The following ANAPC7 variants were observed in gnomAD, a reference collection of about 807,000 sequenced individuals.
The protein encoded by ANAPC7 is anaphase-promoting complex subunit 7.
A neutral mutation model predicts 63.3 loss-of-function variants in ANAPC7; 25 were observed. The ratio of observed to expected loss-of-function variants is 0.39; its 90% confidence interval spans 0.29 to 0.55. The LOEUF (loss-of-function observed/expected upper bound fraction) is 0.55, where lower values mean the gene tolerates loss of function less well. Among genes scored for constraint, ANAPC7 ranks in the 20% least tolerant of loss-of-function variants. ANAPC7 has a pLI of 0.57. For synonymous variants in ANAPC7, 241 were observed against 251.7 expected, an observed-to-expected ratio of 0.96 and a Z score of 0.40; for missense variants, 516 against 691.7, an observed-to-expected ratio of 0.75 and a Z score of 2.85.
chr12:110,384,347 T>C (rs1489039421), intron 6 of ANAPC7, among the ~76,000 whole-genome samples: 1 of 151,962 alleles, frequency 6.6e-6, no homozygotes, highest in African/African-American at 2.4e-5. Context: ...CAGTGAGCTA[T>C]GTTTGTGCCA....
chr12:110,374,930 A>C (rs141870646), intron 10 of ANAPC7, among the ~76,000 whole-genome samples: 1,523 of 151,854 alleles, frequency 0.01, 32 homozygotes, highest in Middle Eastern at 0.041. Context: ...CCCACCCCCA[A>C]AGTTCAGAGC....
chr12:110,386,441 C>T lies in ANAPC7; in HGVS notation c.703G>A (p.Asp235Asn). 6.2e-7 allele frequency: 1 copy of T among 1,613,072 alleles called. No homozygotes were observed. The highest frequency in any genetic ancestry group is 1.1e-5 in the South Asian group (1 of 90,790). The change falls in exon 6 of 11, where the codon GAT (aspartate) becomes AAT (asparagine). Residue 235 changes from aspartate (D) to asparagine (N), a missense_variant. By Grantham distance (23) the Asp-to-Asn change is conservative (BLOSUM62 1). Transcript: ENST00000455511. ...AAGCTTCCCAATAGGTCCACGTTATCTCGCAATAAGGATTTTTTCTCTAGT... is the reference window on the plus strand; with the variant it reads ...AAGCTTCCCAATAGGTCCACGTTATTTCGCAATAAGGATTTTTTCTCTAGT... ...CSLEKKSLLR[D>N]NVDLLGSLAD...
At position 110,373,727 on chromosome 12, in the gene ANAPC7, G is replaced by C. The variant is rs1201316966; in HGVS notation, c.*417C>G. On this transcript the variant is annotated 3_prime_UTR_variant, in exon 11 of 11. Transcript: ENST00000455511. ...TTCTGGGAACAGGAAGCTCCCTAGGGCCAGATCGTGCTGCCATCCAACTTG... is the reference window on the plus strand; with the variant it reads ...TTCTGGGAACAGGAAGCTCCCTAGGCCCAGATCGTGCTGCCATCCAACTTG... 1 of 162,246 alleles carries C rather than the reference G, an allele frequency of 6.2e-6. No homozygotes were observed. The highest frequency in any genetic ancestry group is 1.3e-5 in the Non-Finnish European group (1 of 75,252). 10.1% of individuals were successfully genotyped at this position (162,246 alleles called of 1,614,324 possible). A position where few individuals can be genotyped will look rare whatever the true frequency, so the allele number is the denominator to read the frequency against.
intron 3 of ANAPC7, among the ~76,000 whole-genome samples, chr12:110,389,488 C>T (rs1415123889): frequency 6.6e-6 from 1 of 152,202 alleles, no homozygotes; most frequent in Admixed American, 6.5e-5. Flanking sequence ...CCCGTAGGTA[C>T]TAACTCACTA....
At chr12:110,374,843 G>C (rs185937582) in intron 10 of ANAPC7, among the ~76,000 whole-genome samples, 2 of 152,122 alleles carry the variant, frequency 1.3e-5, no homozygotes, top group Non-Finnish European at 2.9e-5. Flanking sequence ...TAAACACCTA[G>C]GTCAGACCCC....
chr12:110,387,827 C>A lies in ANAPC7; in HGVS notation c.586G>T (p.Val196Leu), dbSNP rs759512682. The A allele has an allele frequency of 4.3e-6, 7 of 1,614,026 alleles. No individual in the cohort carries two copies. The East Asian group carries it at 6.7e-5, about 15-fold the overall frequency. Residue 196 changes from valine to leucine, a missense_variant, in exon 5 of 11, where the codon GTG becomes TTG. Coordinates refer to ENST00000455511, the MANE Select transcript of ANAPC7 (RefSeq NM_016238.3). ...ACAGAGAGCCAGTCCAAGTTAGGCA[C>A]GGTTTGGATCACATTCATTGTCATG... ...ASMTMNVIQTVPNLDWLSVWI... is the reference protein window; with the variant it reads ...ASMTMNVIQTLPNLDWLSVWI...
chr12:110,376,986 A>G (rs767924239), intron 9 of ANAPC7, among the ~76,000 whole-genome samples: 4 of 151,658 alleles, frequency 2.6e-5, no homozygotes, highest in African/African-American at 4.8e-5. Context: ...AAAATAAAAA[A>G]ATTAGCTGGG....
At chr12:110,402,535 T>C (rs949957111) in intron 1 of ANAPC7, among the ~76,000 whole-genome samples, 12 of 151,588 alleles carry the variant, frequency 7.9e-5, no homozygotes, top group Non-Finnish European at 1.8e-4. Context: ...GGGGTTACAC[T>C]GTGTTAGCCA....
At chr12:110,391,714 C>T (rs1048404541) in intron 3 of ANAPC7, among the ~76,000 whole-genome samples, 9 of 152,130 alleles carry the variant, frequency 5.9e-5, no homozygotes, top group African/African-American at 2.2e-4. Flanking sequence ...AAAAAAAAGT[C>T]CTACAAATAT....
In ANAPC7 at chr12:110,400,138, C is replaced by G. The variant is rs138932824; in HGVS notation, c.101+3389G>C. On this transcript the variant is annotated intron_variant, in intron 1 of 10. Transcript: ENST00000455511. ...AACAAAAAGAGTATAGTCTAGATGA[C>G]TTAAGTTCTCTTCAAACTCTGTGAT... Among the ~76,000 whole-genome samples the G allele has an allele frequency of 2.0e-3, 310 of 152,204 alleles. 1 individual carries two copies. The highest frequency in any genetic ancestry group is 7.2e-3 in the African/African-American group (297 of 41,538).
At chr12:110,398,479 AT>A (rs1349568160) in intron 1 of ANAPC7, among the ~76,000 whole-genome samples, 1 of 152,066 alleles carries the variant, frequency 6.6e-6, no homozygotes. Flanking sequence ...AGTCTCAGGG[AT>A]TTCAGGACAG....
intron 3 of ANAPC7, among the ~76,000 whole-genome samples, chr12:110,390,364 G>A (rs1285457834): frequency 1.3e-5 from 2 of 152,084 alleles, no homozygotes; most frequent in Non-Finnish European, 2.9e-5. Flanking sequence ...GTGAGCCACC[G>A]TGTCTGGCAA....
At chr12:110,394,044 C>T (rs755468041) in intron 3 of ANAPC7, among the ~76,000 whole-genome samples, 14 of 150,088 alleles carry the variant, frequency 9.3e-5, no homozygotes, top group South Asian at 2.1e-4. Flanking sequence ...GGCGTGGTGG[C>T]GGGTGCCTGT....
Position 110,377,492 on chromosome 12 carries a change from C to T in ANAPC7, c.1258G>A (p.Asp420Asn). The T allele has an allele frequency of 6.2e-7, 1 of 1,614,184 alleles. No homozygotes were observed. The highest frequency in any genetic ancestry group is 1.1e-5 in the South Asian group (1 of 91,074). The change falls in exon 9 of 11, where the codon GAC becomes AAC. Residue 420 changes from aspartate (D) to asparagine (N), a missense_variant. Physicochemically the swap from Asp to Asn is conservative, Grantham distance 23. Transcript: ENST00000455511. ...LTLLATVCLE[D>N]PVTQEKAKTL... ...TTGGCTTTCTCCTGTGTCACTGGGT[C>T]TTCAAGACAAACGGTGGCTAAAAGG... is the stretch of plus-strand genomic sequence containing the variant.
intron 1 of ANAPC7, among the ~76,000 whole-genome samples, chr12:110,400,783 C>G (rs2062216865): frequency 6.6e-6 from 1 of 151,630 alleles, no homozygotes; most frequent in Non-Finnish European, 1.5e-5. Context: ...CGGTGGCTCA[C>G]GCCTGCAATC....
intron 5 of ANAPC7, 96 bp downstream of exon 5, chr12:110,387,643 A>C: frequency 7.0e-7 from 1 of 1,432,176 alleles, no homozygotes. Context: ...CACCAACAGC[A>C]AAGCATCTCA....
At chr12:110,396,808 C>T (rs1454233226) in intron 1 of ANAPC7, among the ~76,000 whole-genome samples, 2 of 151,826 alleles carry the variant, frequency 1.3e-5, no homozygotes, top group East Asian at 3.9e-4. Flanking sequence ...AGCCATCATG[C>T]CTGGCCACCA....
chr12:110,385,995 T>C (rs554854713), intron 6 of ANAPC7, among the ~76,000 whole-genome samples: 143 of 152,308 alleles, frequency 9.4e-4, no homozygotes, highest in African/African-American at 3.3e-3. Context: ...AAAAGGATAT[T>C]ATGGTTTTAG....
At chr12:110,392,804 G>GT (rs894857501) in intron 3 of ANAPC7, among the ~76,000 whole-genome samples, 59 of 151,390 alleles carry the variant, frequency 3.9e-4, no homozygotes, top group African/African-American at 1.3e-3. Flanking sequence ...TTGTTTTTTT[G>GT]TTTTTTTTGA....
Sources: allele counts gnomAD v4.1 joint callset (sites outside exome capture counted in the v4.1 genomes callset), GRCh38; gene constraint gnomAD v4.1.1; transcripts MANE v1.5; gene names NCBI Gene and HGNC (gene_info 2026-07-23, HGNC 2026-07-21).